The following SMURF1 variants were observed in gnomAD, a reference collection of about 807,000 sequenced individuals.
SMURF1 encodes E3 ubiquitin-protein ligase SMURF1.
Under a neutral mutation model 98.0 loss-of-function variants are expected in SMURF1, and 44 were observed. The ratio of observed to expected loss-of-function variants is 0.45; its 90% CI spans 0.35 to 0.58. The LOEUF (loss-of-function observed/expected upper bound fraction) is 0.58. SMURF1 is among the 20% of genes least tolerant of loss of function. The pLI, the probability that SMURF1 is intolerant of heterozygous loss-of-function variation, is 0.00. For missense variants in SMURF1, 687 were observed against 938.4 expected (o/e 0.73, Z 3.50); for synonymous variants, 396 against 374.9 (o/e 1.06, Z -0.65).
intron 1 of SMURF1, among the ~76,000 whole-genome samples, chr7:99,122,086 T>G (rs1351657166): frequency 6.6e-6 from 1 of 152,150 alleles, no homozygotes; most frequent in Non-Finnish European, 1.5e-5. Context: ...CCCAGCACTT[T>G]GGGAGGCTGA....
chr7:99,109,591 G>C (rs1372735245), intron 1 of SMURF1, among the ~76,000 whole-genome samples: 1 of 152,150 alleles, frequency 6.6e-6, no homozygotes, highest in South Asian at 2.1e-4. Flanking sequence ...GGAAGTGACA[G>C]TGTCTGCACT....
intron 1 of SMURF1, among the ~76,000 whole-genome samples, chr7:99,126,873 T>C (rs1388658697): frequency 6.6e-6 from 1 of 152,232 alleles, no homozygotes; most frequent in African/African-American, 2.4e-5. Flanking sequence ...AGAAATCAGC[T>C]ATATCAAGAG....
intron 5 of SMURF1, among the ~76,000 whole-genome samples, chr7:99,055,494 T>A (rs1035327891): frequency 6.6e-6 from 1 of 150,478 alleles, no homozygotes; most frequent in Non-Finnish European, 1.5e-5. Flanking sequence ...TTAAAAAAAA[T>A]AATAAAAATA....
intron 1 of SMURF1, among the ~76,000 whole-genome samples, chr7:99,097,682 T>A (rs1028451593): frequency 2.6e-5 from 4 of 152,202 alleles, no homozygotes; most frequent in Non-Finnish European, 5.9e-5. Flanking sequence ...TGGTATTGTG[T>A]TATAGCAACA....
chr7:99,044,407 T>C (rs1012773340), intron 11 of SMURF1, among the ~76,000 whole-genome samples: 8 of 152,256 alleles, frequency 5.3e-5, no homozygotes, highest in African/African-American at 1.9e-4. Context: ...ATGGACAATA[T>C]TTTCATTCAT....
rs970884526 is a variant in SMURF1 at position 99,059,007 on chromosome 7, C to G, written c.204-1456G>C. On this transcript the variant is annotated intron_variant, in intron 3 of 17. Coordinates refer to ENST00000361368, the MANE Select transcript of SMURF1 (RefSeq NM_181349.3). ...GCTGAAGATCGAGAATCGCTTGAAC[C>G]CAGCAGGAGGAGGTTGCGGTGAGCC... Among the ~76,000 whole-genome samples, 5 of 152,174 alleles carry G rather than the reference C, an allele frequency of 3.3e-5. 1 individual carries two copies. The highest frequency in any genetic ancestry group is 6.5e-5 in the Admixed American group (1 of 15,276).
chr7:99,072,486 A>C (rs1429785064), intron 1 of SMURF1, among the ~76,000 whole-genome samples: 1 of 152,214 alleles, frequency 6.6e-6, no homozygotes, highest in Non-Finnish European at 1.5e-5. Context: ...ACTACTAAAA[A>C]TACAAAATTA....
chr7:99,056,978 AAAAAAAAAAAAACC>A (rs1189503382), intron 5 of SMURF1, among the ~76,000 whole-genome samples: 1 of 20,090 alleles, frequency 5.0e-5, no homozygotes, highest in African/African-American at 2.3e-3. Flanking sequence ...ACTCCATCTC[AAAAAAAAAAAAACC>A]AAAAAAAAAA....
chr7:99,041,353 G>C (rs1207413564), intron 12 of SMURF1, among the ~76,000 whole-genome samples: 2 of 152,136 alleles, frequency 1.3e-5, no homozygotes, highest in African/African-American at 4.8e-5. Context: ...AGTGAGCAGA[G>C]ATCATGCCAC....
chr7:99,140,015 G>C (rs761930265), intron 1 of SMURF1, among the ~76,000 whole-genome samples: 7 of 152,156 alleles, frequency 4.6e-5, no homozygotes, highest in Non-Finnish European at 8.8e-5. Context: ...CTAAGCCCAA[G>C]TGCCCAACAG....
At chr7:99,121,726 G>A (rs1044724044) in intron 1 of SMURF1, among the ~76,000 whole-genome samples, 4 of 152,172 alleles carry the variant, frequency 2.6e-5, no homozygotes, top group Admixed American at 1.3e-4. Context: ...TTTGATAGGC[G>A]ATTTGGCGGT....
chr7:99,113,569 G>A (rs538078336), intron 1 of SMURF1, among the ~76,000 whole-genome samples: 17 of 152,048 alleles, frequency 1.1e-4, no homozygotes, highest in Admixed American at 3.9e-4. Context: ...GGCTGGGAGC[G>A]GTGGCTCACA....
At chr7:99,057,017 G>A (rs1409003719) in intron 5 of SMURF1, among the ~76,000 whole-genome samples, 188 bp downstream of exon 5, 2 of 148,940 alleles carry the variant, frequency 1.3e-5, no homozygotes, top group Non-Finnish European at 3.0e-5. Context: ...GCCAGGAGAA[G>A]GGAATTAGAT....
intron 3 of SMURF1, among the ~76,000 whole-genome samples, chr7:99,060,330 G>A (rs1795999389): frequency 7.2e-6 from 1 of 139,436 alleles, no homozygotes; most frequent in Non-Finnish European, 1.5e-5. Context: ...AGTGAGCTGA[G>A]ATCACGCCAC....
chr7:99,075,820 A>G (rs1796441945), intron 1 of SMURF1, among the ~76,000 whole-genome samples: 1 of 152,188 alleles, frequency 6.6e-6, no homozygotes, highest in South Asian at 2.1e-4. Flanking sequence ...AGACAAGGCT[A>G]TCTTTTTTTC....
chr7:99,135,661 A>G (rs1306336715), intron 1 of SMURF1, among the ~76,000 whole-genome samples: 1 of 152,228 alleles, frequency 6.6e-6, no homozygotes, highest in Non-Finnish European at 1.5e-5. Flanking sequence ...ACACATTCAC[A>G]TTGATTTCAG....
intron 1 of SMURF1, among the ~76,000 whole-genome samples, chr7:99,083,606 C>A (rs970476462): frequency 3.3e-5 from 5 of 152,210 alleles, no homozygotes; most frequent in Admixed American, 6.5e-5. Flanking sequence ...GAAGTAGTCT[C>A]TAAGTAAAAT....
At chr7:99,130,357 G>A (rs556941056) in intron 1 of SMURF1, among the ~76,000 whole-genome samples, 1 of 152,198 alleles carries the variant, frequency 6.6e-6, no homozygotes, top group African/African-American at 2.4e-5. Flanking sequence ...GGAGGCTGAG[G>A]CAGGAGAATC....
chr7:99,079,968 A>C (rs927842988), intron 1 of SMURF1, among the ~76,000 whole-genome samples: 1 of 151,444 alleles, frequency 6.6e-6, no homozygotes, highest in African/African-American at 2.4e-5. Context: ...GTCAAACCAG[A>C]AGCCGGTTCT....
Sources: gnomAD v4.1 joint callset for allele counts (sites outside exome capture counted in the v4.1 genomes callset) on GRCh38, gnomAD v4.1.1 for gene constraint, MANE v1.5 for transcripts, NCBI Gene and HGNC (gene_info 2026-07-23, HGNC 2026-07-21) for gene names.